Variants in C5 observed in about 807,000 individuals in gnomAD.
C5 encodes the protein complement C5.
C5 carries 140 observed loss-of-function variants against 218.8 expected under a neutral mutation model. The observed-to-expected ratio is 0.64, with a 90% CI of 0.56 to 0.74. The LOEUF (loss-of-function observed/expected upper bound fraction) is 0.74, where lower values mean the gene tolerates loss of function less well. Among genes scored for constraint, C5 ranks in the 30% least tolerant of loss-of-function variants. C5 has a pLI of 0.00. For synonymous variants in C5, 614 were observed against 682.3 expected, an observed-to-expected ratio of 0.90 and a Z score of 1.56; for missense variants, 1,700 against 1,969.6, an observed-to-expected ratio of 0.86 and a Z score of 2.59.
chr9:120,985,039 C>T (rs977521747), intron 25 of C5, among the ~76,000 whole-genome samples: 2 of 152,052 alleles, frequency 1.3e-5, no homozygotes, highest in African/African-American at 4.8e-5. Flanking sequence ...GCTCTTACTC[C>T]TATCTCTCTT....
At chr9:120,977,127 T>G (rs901893827) in intron 28 of C5, among the ~76,000 whole-genome samples, 12 of 152,288 alleles carry the variant, frequency 7.9e-5, no homozygotes, top group African/African-American at 2.9e-4. Flanking sequence ...AAATATGAAA[T>G]GCCCCCAAAA....
At chr9:121,055,513 CT>C in the C5 span, among the ~76,000 whole-genome samples, 35 of 152,188 alleles carry the variant, frequency 2.3e-4, no homozygotes, top group African/African-American at 7.7e-4. Flanking sequence ...GCACAGAGGA[CT>C]TTGTCTTGCA....
Position 120,952,368 on chromosome 9 carries a change from TC to T in C5, c.*370del, listed in dbSNP as rs1378729455. The T allele has an allele frequency of 3.4e-6, 1 of 294,534 alleles. No individual in the cohort carries two copies. The highest frequency in any genetic ancestry group is 6.6e-6 in the Non-Finnish European group (1 of 151,454). 18.2% of individuals were successfully genotyped at this position (294,534 alleles called of 1,614,324 possible). On this transcript the variant is annotated 3_prime_UTR_variant, in exon 41 of 41. Coordinates refer to ENST00000223642, the MANE Select transcript of C5 (RefSeq NM_001735.3). ...CAAACTCAGGCTTTAATGATCAGTTTCCTGTTCCTTGGTATTTTCTTTCAAG... is the reference window on the plus strand; with the variant it reads ...CAAACTCAGGCTTTAATGATCAGTTTCTGTTCCTTGGTATTTTCTTTCAAG...
At chr9:120,997,478 TCCC>T in intron 21 of C5, 66 bp downstream of exon 21, 1 of 1,125,606 alleles carries the variant, frequency 8.9e-7, no homozygotes, top group Non-Finnish European at 1.3e-6. Flanking sequence ...ATTGTTTCTC[TCCC>T]CCCCCTTTCT....
chr9:121,003,545 T>C (rs2047189798), intron 20 of C5, among the ~76,000 whole-genome samples: 1 of 152,210 alleles, frequency 6.6e-6, no homozygotes, highest in Non-Finnish European at 1.5e-5. Context: ...AAAGAGTAAG[T>C]CTGATTTTCG....
the C5 span, among the ~76,000 whole-genome samples, chr9:121,069,547 T>G: frequency 6.6e-6 from 1 of 151,904 alleles, no homozygotes; most frequent in Non-Finnish European, 1.5e-5. Flanking sequence ...TTTTTTGGTT[T>G]CTGTTGCCCA....
At chr9:121,052,518 C>T (rs1390213171), upstream of C5, among the ~76,000 whole-genome samples, 4 of 150,688 alleles carry the variant, frequency 2.7e-5, no homozygotes, top group East Asian at 5.8e-4. Context: ...CTTTGGTAAG[C>T]CTTTCATTTT....
At chr9:120,993,579 C>T (rs562199813) in intron 22 of C5, among the ~76,000 whole-genome samples, 7 of 152,144 alleles carry the variant, frequency 4.6e-5, no homozygotes, top group South Asian at 4.1e-4. Flanking sequence ...CCCACCACCA[C>T]GCCTGGCTAA....
intron 1 of C5, among the ~76,000 whole-genome samples, chr9:121,046,765 G>A (rs1025751581): frequency 6.6e-6 from 1 of 152,146 alleles, no homozygotes; most frequent in Non-Finnish European, 1.5e-5. Context: ...TGCTGGCTGA[G>A]TGACCGTGGT....
the C5 span, among the ~76,000 whole-genome samples, chr9:121,064,985 G>A: frequency 1.3e-5 from 2 of 152,178 alleles, no homozygotes; most frequent in East Asian, 1.9e-4. Flanking sequence ...CAGGAGAATC[G>A]CTTGAATCCA....
chr9:121,034,673 A>C (rs2131803571), intron 5 of C5, 130 bp downstream of exon 5: 1 of 622,462 alleles, frequency 1.6e-6, no homozygotes, highest in East Asian at 2.8e-5. Flanking sequence ...TCTTGCTAGA[A>C]CTTCAAAAGA....
Position 121,014,007 on chromosome 9 carries a change from T to A in C5, c.2123A>T (p.Asp708Val). ...TGCAGCTCGCTGCTCACAGGTTTCA[T>A]CATTATTAACGCAGGCTCCATCGTA... is the stretch of plus-strand genomic sequence containing the variant. The part of the protein sequence containing the change: ...CCYDGACVNN[D>V]ETCEQRAARI... Residue 708 changes from aspartate to valine, a missense_variant, in exon 17 of 41, where the codon GAT becomes GTT. Physicochemically the swap from Asp to Val is radical, Grantham distance 152. Coordinates refer to ENST00000223642, the MANE Select transcript of C5 (RefSeq NM_001735.3). The A allele has an allele frequency of 1.2e-6, 2 of 1,614,190 alleles. No individual in the cohort carries two copies. The highest frequency in any genetic ancestry group is 1.7e-6 in the Non-Finnish European group (2 of 1,180,026).
intron 1 of C5, among the ~76,000 whole-genome samples, chr9:121,049,458 TATATA>T (rs1013573343): frequency 1.8e-4 from 28 of 152,302 alleles, no homozygotes; most frequent in African/African-American, 6.5e-4. Context: ...TATGTGTTTA[TATATA>T]ATATATTTAC....
chr9:121,002,732 G>T (rs1345868297), intron 20 of C5, among the ~76,000 whole-genome samples: 1 of 152,032 alleles, frequency 6.6e-6, no homozygotes, highest in East Asian at 1.9e-4. Context: ...TCTGAGTTAT[G>T]ATTATCTTAA....
intron 3 of C5, among the ~76,000 whole-genome samples, chr9:121,042,082 C>T (rs939378154): frequency 2.0e-5 from 3 of 152,196 alleles, no homozygotes; most frequent in Admixed American, 2.0e-4. Context: ...CTTTCTCTGT[C>T]CTCCTCCAAG....
In C5 at chr9:120,962,738, T is replaced by C. The variant is rs1239234492; in HGVS notation, c.4437A>G (p.Ile1479Met). 6.2e-7 allele frequency: 1 copy of C among 1,613,988 alleles called. No homozygotes were observed. Among genetic ancestry groups the C allele is most frequent in the Non-Finnish European group, 8.5e-7 (1 of 1,179,988 alleles). ...GAAACCCAACTTCAAAGAGTTCAAA[T>C]ATCCGGAATCGTACACAAAGGAAAT... is the stretch of plus-strand genomic sequence containing the variant. ...SSDFLCVRFRIFELFEVGFLS... is the reference protein window; with the variant it reads ...SSDFLCVRFRMFELFEVGFLS... The change falls in exon 36 of 41, where the codon ATA (isoleucine) becomes ATG (methionine). Residue 1479 changes from isoleucine (I) to methionine (M), a missense_variant. Coordinates refer to ENST00000223642, the MANE Select transcript of C5 (RefSeq NM_001735.3).
rs1244498553 is a variant in C5, at chr9:121,017,390, T to G, written c.1838A>C (p.Gln613Pro). The G allele has an allele frequency of 6.2e-7, 1 of 1,613,868 alleles. No homozygotes were observed. Among genetic ancestry groups the G allele is most frequent in the African/African-American group, 1.3e-5 (1 of 74,920 alleles). Residue 613 changes from glutamine (Q) to proline (P), a missense_variant, in exon 14 of 41, where the codon CAA becomes CCA. Coordinates refer to ENST00000223642, the MANE Select transcript of C5 (RefSeq NM_001735.3). ...AAVDSAVYGV[Q>P]RGAKKPLERV... is the part of the protein sequence containing the mutation. Reference sequence around the variant, plus strand: ...TTCCAAGGGCTTTTTGGCTCCTCTTTGGACTCCATACACAGCACTGTCCAC... The same window carrying G: ...TTCCAAGGGCTTTTTGGCTCCTCTTGGGACTCCATACACAGCACTGTCCAC...
intron 22 of C5, among the ~76,000 whole-genome samples, chr9:120,995,062 T>A (rs1323791814): frequency 6.6e-6 from 1 of 152,178 alleles, no homozygotes; most frequent in Non-Finnish European, 1.5e-5. Context: ...GGAGGAGGTC[T>A]GTGTGAAGAA....
chr9:121,019,493 G>T (rs899122039), intron 12 of C5, among the ~76,000 whole-genome samples: 1 of 152,192 alleles, frequency 6.6e-6, no homozygotes, highest in Non-Finnish European at 1.5e-5. Context: ...CTCAGCTACG[G>T]AATTGGAACA....
Sources: allele counts gnomAD v4.1 joint callset (sites outside exome capture counted in the v4.1 genomes callset), GRCh38; gene constraint gnomAD v4.1.1; transcripts MANE v1.5; gene names NCBI Gene and HGNC (gene_info 2026-07-23, HGNC 2026-07-21).